DOCK11: variants seen among roughly 807,000 people sequenced by gnomAD.
DOCK11 encodes dedicator of cytokinesis protein 11.
A neutral mutation model predicts 169.1 loss-of-function variants in DOCK11; 70 were observed. The observed-to-expected ratio is 0.41, with a 90% CI of 0.34 to 0.51. The LOEUF (loss-of-function observed/expected upper bound fraction) is 0.51. Ranked by LOEUF, DOCK11 falls within the 20% of genes least tolerant of loss-of-function variation. The probability of loss-of-function intolerance (pLI) is 0.10; values close to 1 mark genes in which losing one functional copy is unlikely to be tolerated. For synonymous variants in DOCK11, 529 were observed against 541.3 expected, an observed-to-expected ratio of 0.98 and a Z score of 0.32; for missense variants, 1,166 against 1,538.8, an observed-to-expected ratio of 0.76 and a Z score of 4.05.
intron 46 of DOCK11, among the ~76,000 whole-genome samples, chrX:118,673,954 G>A (rs781625547): frequency 1.8e-5 from 2 of 111,731 alleles, no homozygotes; most frequent in African/African-American, 6.5e-5. Context: ...AACTGTTTGA[G>A]CATGGTCATG....
intron 3 of DOCK11, 30 bp downstream of exon 3, chrX:118,543,045 T>G: frequency 9.4e-7 from 1 of 1,065,081 alleles, no homozygotes; most frequent in Non-Finnish European, 1.3e-6. Flanking sequence ...CAGAAGAATA[T>G]TCTTCATATA....
At chrX:118,501,284 C>T (rs1304266120) in intron 1 of DOCK11, among the ~76,000 whole-genome samples, 12 of 110,372 alleles carry the variant, frequency 1.1e-4, no homozygotes. Context: ...AGTTTGAGAC[C>T]AGCCTGGCCA....
At chrX:118,670,333 A>G (rs1471916970) in intron 45 of DOCK11, among the ~76,000 whole-genome samples, 1 of 111,750 alleles carries the variant, frequency 8.9e-6, no homozygotes, top group African/African-American at 3.3e-5. Context: ...AGCATCAGTA[A>G]TTGGCTTCAT....
rs765571102 is a variant in DOCK11 at position 118,496,580 on chromosome X, C to T, written c.102+507C>T. Among the ~76,000 whole-genome samples, 242 of 112,612 alleles carry T rather than the reference C, an allele frequency of 2.1e-3. 2 individuals are homozygous for T. The highest frequency in any genetic ancestry group is 7.2e-3 in the African/African-American group (223 of 31,083). ...AAAAAGAACCCCACCCAGAAAGCCC[C>T]GGGCGCCCAAGCTCGGGCTGGCGGT... On this transcript the variant is annotated intron_variant, in intron 1 of 52. Transcript: ENST00000276202.
intron 1 of DOCK11, among the ~76,000 whole-genome samples, chrX:118,515,263 C>T (rs190321508): frequency 3.6e-4 from 40 of 112,286 alleles, no homozygotes; most frequent in Admixed American, 1.8e-3. Flanking sequence ...GATGGAGTTT[C>T]GCTCTTGTTG....
At chrX:118,680,781 T>C in intron 49 of DOCK11, 89 bp downstream of exon 49, 1 of 779,935 alleles carries the variant, frequency 1.3e-6, no homozygotes, top group South Asian at 3.0e-5. Flanking sequence ...AACATACAAC[T>C]GAAATTTTAA....
intron 31 of DOCK11, among the ~76,000 whole-genome samples, chrX:118,620,469 A>G (rs1482817834): frequency 9.0e-6 from 1 of 111,721 alleles, no homozygotes; most frequent in Non-Finnish European, 1.9e-5. Flanking sequence ...ATACATGTAA[A>G]TCTTGCTAGT....
intron 46 of DOCK11, among the ~76,000 whole-genome samples, chrX:118,674,544 T>C (rs1399637761): frequency 8.9e-6 from 1 of 112,644 alleles, no homozygotes; most frequent in African/African-American, 3.2e-5. Context: ...ATGGATATAC[T>C]GCAGATTGTT....
At chrX:118,637,523 G>T (rs1394434532) in intron 36 of DOCK11, among the ~76,000 whole-genome samples, 2 of 111,820 alleles carry the variant, frequency 1.8e-5, no homozygotes, top group African/African-American at 6.5e-5. Context: ...ACTTTGGGAA[G>T]CTGAGGCAGG....
chrX:118,604,997 C>A (rs1011332434), intron 23 of DOCK11, among the ~76,000 whole-genome samples: 1 of 111,640 alleles, frequency 9.0e-6, no homozygotes, highest in African/African-American at 3.3e-5. Context: ...ACTGTTTATC[C>A]AAATTATACT....
chrX:118,500,212 C>A (rs2057566487), intron 1 of DOCK11, among the ~76,000 whole-genome samples: 1 of 110,149 alleles, frequency 9.1e-6, no homozygotes, highest in South Asian at 3.8e-4. Flanking sequence ...CCACGCCCGG[C>A]TAATTTTTTG....
chrX:118,657,291 A>G (rs2016097511), intron 44 of DOCK11, among the ~76,000 whole-genome samples: 1 of 112,064 alleles, frequency 8.9e-6, no homozygotes, highest in Non-Finnish European at 1.9e-5. Flanking sequence ...CTTCATAGAA[A>G]TCAAAGCACT....
rs929174890 is a variant in DOCK11 at position 118,543,603 on chromosome X, G to A, written c.392+10G>A. ...TTCGAATGTTGCCATGGTAAGTTTAGCATTCCAGGGAAACATGCAACAGGA... is the reference window on the plus strand; with the variant it reads ...TTCGAATGTTGCCATGGTAAGTTTAACATTCCAGGGAAACATGCAACAGGA... On this transcript the variant is annotated intron_variant, in intron 4 of 52. Coordinates refer to ENST00000276202, the MANE Select transcript of DOCK11 (RefSeq NM_144658.4). The A allele has an allele frequency of 1.7e-6, 2 of 1,180,583 alleles. No homozygotes were observed. Among genetic ancestry groups the A allele is most frequent in the Admixed American group, 4.4e-5 (2 of 45,820 alleles).
intron 8 of DOCK11, 57 bp downstream of exon 8, chrX:118,566,239 A>C: frequency 9.5e-7 from 1 of 1,052,173 alleles, no homozygotes; most frequent in Non-Finnish European, 1.3e-6. Flanking sequence ...TAATCCGTGG[A>C]AATGTCCTCT....
intron 1 of DOCK11, among the ~76,000 whole-genome samples, chrX:118,507,361 G>A (rs1190768004): frequency 1.1e-5 from 1 of 89,712 alleles, no homozygotes; most frequent in East Asian, 4.1e-4. Flanking sequence ...GAATTCATTT[G>A]TATAAGATTT....
chrX:118,517,882 A>G (rs1051871187), intron 1 of DOCK11, among the ~76,000 whole-genome samples: 2 of 111,937 alleles, frequency 1.8e-5, no homozygotes, highest in African/African-American at 6.5e-5. Flanking sequence ...ACATATATCT[A>G]TATATTTCAT....
Position 118,578,716 on chromosome X carries a change from A to G in DOCK11, c.1512+69A>G, listed in dbSNP as rs905692379. On this transcript the variant is annotated intron_variant, in intron 13 of 52. Coordinates refer to ENST00000276202, the MANE Select transcript of DOCK11 (RefSeq NM_144658.4). ...AATTTGCCTTTTACTGATATTTTAAATGCCATTGCTTTGAGCATGCTATAT... is the reference window on the plus strand; with the variant it reads ...AATTTGCCTTTTACTGATATTTTAAGTGCCATTGCTTTGAGCATGCTATAT... 19 of 1,041,688 alleles carry G rather than the reference A, an allele frequency of 1.8e-5. No homozygotes were observed. In the Admixed American group the frequency reaches 4.2e-4, roughly 23 times the overall value. 85.8% of individuals were successfully genotyped at this position (1,041,688 alleles called of 1,213,427 possible). A position where few individuals can be genotyped will look rare whatever the true frequency, so the allele number is the denominator to read the frequency against.
At chrX:118,566,527 G>A (rs1287040541) in intron 8 of DOCK11, 47 bp from the exon 9 acceptor site, 2 of 1,117,597 alleles carry the variant, frequency 1.8e-6, no homozygotes, top group South Asian at 1.9e-5. Context: ...TAGGTTATTA[G>A]TAATGGTCTG....
At chrX:118,523,878 T>A (rs2011315162) in intron 1 of DOCK11, among the ~76,000 whole-genome samples, 1 of 110,686 alleles carries the variant, frequency 9.0e-6, no homozygotes, top group Non-Finnish European at 1.9e-5. Flanking sequence ...AGAAGGGGAG[T>A]TTGATCCTCC....
Sources: allele counts gnomAD v4.1 joint callset (sites outside exome capture counted in the v4.1 genomes callset), GRCh38; gene constraint gnomAD v4.1.1; transcripts MANE v1.5; gene names NCBI Gene and HGNC (gene_info 2026-07-23, HGNC 2026-07-21).